The following RAD51B variants were observed in gnomAD, a reference collection of about 807,000 sequenced individuals.
RAD51B encodes the protein DNA repair protein RAD51 homolog 2.
Under a neutral mutation model 42.2 loss-of-function variants are expected in RAD51B, and 38 were observed. That is an observed-to-expected ratio of 0.90 (90% CI 0.70 to 1.18). The LOEUF (loss-of-function observed/expected upper bound fraction) is 1.18. Ranked by LOEUF, RAD51B falls within the 50% of genes most tolerant of loss-of-function variation. RAD51B has a pLI of 0.00. For missense variants in RAD51B, 373 were observed against 400.7 expected, an observed-to-expected ratio of 0.93 and a Z score of 0.59; for synonymous variants, 154 against 145.2, an observed-to-expected ratio of 1.06 and a Z score of -0.43.
At chr14:68,537,156 C>T (rs981180214) in intron 10 of RAD51B, among the ~76,000 whole-genome samples, 11 of 149,890 alleles carry the variant, frequency 7.3e-5, no homozygotes, top group Non-Finnish European at 1.6e-4. Flanking sequence ...TAGCACATGT[C>T]CCTGAATAGA....
Position 68,647,609 on chromosome 14 carries a change from A to AT in RAD51B, c.1037-3171dup, listed in dbSNP as rs980976436. Among the ~76,000 whole-genome samples, 74 of 152,338 alleles carry AT rather than the reference A, an allele frequency of 4.9e-4. 1 individual carries two copies. The highest frequency in any genetic ancestry group is 1.7e-3 in the African/African-American group (71 of 41,578). On this transcript the variant is annotated intron_variant, in intron 10 of 11. Coordinates refer to the RAD51B transcript ENST00000488612. ...ACTACATGAGGCAGAATTAAGATGA[A>AT]TACACACAGTCCTCACCACATTATA...
intron 8 of RAD51B, among the ~76,000 whole-genome samples, chr14:68,349,657 T>A (rs950485605): frequency 6.6e-6 from 1 of 152,164 alleles, no homozygotes; most frequent in Admixed American, 6.5e-5. Context: ...TGAGCCACCA[T>A]GCCTGGCTTC....
intron 8 of RAD51B, among the ~76,000 whole-genome samples, chr14:68,305,095 G>A (rs1363447707): frequency 1.3e-5 from 2 of 152,148 alleles, no homozygotes; most frequent in East Asian, 1.9e-4. Context: ...GTGGGTTCTA[G>A]TATTTTTTCC....
At chr14:68,072,443 A>G (rs911531187) in intron 7 of RAD51B, among the ~76,000 whole-genome samples, 1 of 151,996 alleles carries the variant, frequency 6.6e-6, no homozygotes, top group Non-Finnish European at 1.5e-5. Flanking sequence ...AGCATGGGAG[A>G]AAGATGTAGA....
At chr14:68,055,406 G>A (rs2076458634) in intron 7 of RAD51B, among the ~76,000 whole-genome samples, 2 of 152,072 alleles carry the variant, frequency 1.3e-5, no homozygotes, top group Non-Finnish European at 2.9e-5. Flanking sequence ...CTACAAATCA[G>A]CAAGTATAAC....
At chr14:68,057,853 G>GTGTT (rs2076503118) in intron 7 of RAD51B, among the ~76,000 whole-genome samples, 1 of 150,382 alleles carries the variant, frequency 6.6e-6, no homozygotes, top group Non-Finnish European at 1.5e-5. Context: ...GTGTGTGTGT[G>GTGTT]TGTGTTTGGT....
chr14:68,611,075 C>G (rs575962752), exon 11 of RAD51B: 231 of 703,246 alleles, frequency 3.3e-4, no homozygotes, highest in Middle Eastern at 1.6e-3. Context: ...CATCCCAGCC[C>G]TACCTTCCTG....
intron 7 of RAD51B, among the ~76,000 whole-genome samples, chr14:68,137,148 C>T (rs899268102): frequency 1.8e-4 from 28 of 152,050 alleles, no homozygotes; most frequent in Non-Finnish European, 1.6e-4. Flanking sequence ...TGATGGCACA[C>T]GCTTATAATC....
chr14:68,578,110 GAAAGCAAAGA>G (rs1890044580), intron 10 of RAD51B, among the ~76,000 whole-genome samples: 1 of 152,258 alleles, frequency 6.6e-6, no homozygotes, highest in East Asian at 1.9e-4. Flanking sequence ...TAACAGAAGT[GAAAGCAAAGA>G]AAAGCAAAGA....
intron 10 of RAD51B, among the ~76,000 whole-genome samples, chr14:68,588,078 C>A (rs1427739004): frequency 6.6e-6 from 1 of 152,192 alleles, no homozygotes; most frequent in Admixed American, 6.5e-5. Context: ...CACATTCAAG[C>A]TTGAGGCAGA....
intron 10 of RAD51B, among the ~76,000 whole-genome samples, chr14:68,473,469 C>A (rs1882268706): frequency 6.6e-6 from 1 of 152,206 alleles, no homozygotes; most frequent in African/African-American, 2.4e-5. Context: ...CAGTTCTCTT[C>A]TCCCCTGTGC....
At chr14:68,131,657 C>T (rs915879083) in intron 7 of RAD51B, among the ~76,000 whole-genome samples, 3 of 152,192 alleles carry the variant, frequency 2.0e-5, no homozygotes, top group Admixed American at 6.5e-5. Flanking sequence ...GATCATGCCA[C>T]TTCACTCCAG....
chr14:68,006,654 A>G (rs1256031675), intron 7 of RAD51B, among the ~76,000 whole-genome samples: 1 of 152,114 alleles, frequency 6.6e-6, no homozygotes, highest in Non-Finnish European at 1.5e-5. Context: ...TTTAAAAAAT[A>G]CTTTCATAGT....
chr14:68,580,702 A>G (rs933751604), intron 10 of RAD51B, among the ~76,000 whole-genome samples: 1 of 152,030 alleles, frequency 6.6e-6, no homozygotes, highest in South Asian at 2.1e-4. Context: ...CTGGGTGCCC[A>G]TGACTCTCTT....
downstream of RAD51B, among the ~76,000 whole-genome samples, chr14:68,614,105 C>T (rs1452451591): frequency 6.6e-6 from 1 of 152,154 alleles, no homozygotes; most frequent in Non-Finnish European, 1.5e-5. Context: ...AGCATAGATA[C>T]TAAAATACAA....
chr14:68,320,640 T>A (rs1452167491), intron 8 of RAD51B, among the ~76,000 whole-genome samples: 1 of 152,220 alleles, frequency 6.6e-6, no homozygotes, highest in Non-Finnish European at 1.5e-5. Flanking sequence ...CAACACCCAC[T>A]TTCTTTTAGA....
At chr14:68,454,338 A>G (rs1256890771) in intron 9 of RAD51B, among the ~76,000 whole-genome samples, 1 of 152,230 alleles carries the variant, frequency 6.6e-6, no homozygotes, top group African/African-American at 2.4e-5. Flanking sequence ...AAAAGTAACA[A>G]GAACATTGAC....
chr14:67,907,885 G>A (rs2043830470), intron 7 of RAD51B, among the ~76,000 whole-genome samples: 1 of 152,114 alleles, frequency 6.6e-6, no homozygotes, highest in Non-Finnish European at 1.5e-5. Flanking sequence ...GGGCAGTGAT[G>A]TTTTAGGCAT....
intron 7 of RAD51B, among the ~76,000 whole-genome samples, chr14:68,040,617 C>T (rs114843430): frequency 0.019 from 2,904 of 152,276 alleles, 48 homozygotes; most frequent in African/African-American, 0.039. Flanking sequence ...TTGTTTGTTC[C>T]TCACATCAAT....
Sources: allele counts gnomAD v4.1 joint callset (sites outside exome capture counted in the v4.1 genomes callset), GRCh38; gene constraint gnomAD v4.1.1; transcripts MANE v1.5; gene names NCBI Gene and HGNC (gene_info 2026-07-23, HGNC 2026-07-21).